The following NCALD variants were observed in gnomAD, a reference collection of about 807,000 sequenced individuals.
The protein encoded by NCALD is neurocalcin delta.
A neutral mutation model predicts 18.6 loss-of-function variants in NCALD; 10 were observed. The observed-to-expected ratio is 0.54, with a 90% confidence interval of 0.33 to 0.91. NCALD has a LOEUF of 0.91. NCALD is among the 40% of genes least tolerant of loss of function. The probability of loss-of-function intolerance (pLI) is 0.03; values close to 1 mark genes in which losing one functional copy is unlikely to be tolerated. For missense variants in NCALD, 184 were observed against 247.6 expected (o/e 0.74, Z 1.72); for synonymous variants, 88 against 87.4 (o/e 1.01, Z -0.04).
At chr8:101,970,183 T>A (rs1196244889) in intron 2 of NCALD, among the ~76,000 whole-genome samples, 1 of 152,182 alleles carries the variant, frequency 6.6e-6, no homozygotes, top group Admixed American at 6.5e-5. Flanking sequence ...CTTATTTCAG[T>A]TTCTACTCTC....
chr8:101,891,706 G>T (rs779396309), intron 3 of NCALD, among the ~76,000 whole-genome samples: 4 of 152,342 alleles, frequency 2.6e-5, no homozygotes, highest in African/African-American at 4.8e-5. Context: ...CTTGGGAAGC[G>T]CAAGGGGTCA....
At chr8:102,076,110 A>G (rs1340994251) in intron 1 of NCALD, among the ~76,000 whole-genome samples, 1 of 152,150 alleles carries the variant, frequency 6.6e-6, no homozygotes, top group Admixed American at 6.5e-5. Flanking sequence ...CTATCATTAA[A>G]ATTCTAAAAA....
chr8:101,947,607 A>G (rs1360556657), intron 2 of NCALD, among the ~76,000 whole-genome samples: 1 of 152,244 alleles, frequency 6.6e-6, no homozygotes, highest in Non-Finnish European at 1.5e-5. Flanking sequence ...TAAACAGCTG[A>G]TATCATCACT....
intron 1 of NCALD, among the ~76,000 whole-genome samples, chr8:101,721,785 A>C (rs1454018579): frequency 6.6e-6 from 1 of 151,616 alleles, no homozygotes; most frequent in African/African-American, 2.4e-5. Flanking sequence ...TGATGGGAGT[A>C]TGGGGCACTT....
chr8:101,890,834 T>C (rs987196943), intron 3 of NCALD, among the ~76,000 whole-genome samples: 55 of 152,318 alleles, frequency 3.6e-4, no homozygotes, highest in African/African-American at 1.2e-3. Flanking sequence ...CTTGCACACT[T>C]TCCCAGAAGA....
chr8:102,120,761 T>C (rs1159919144), intron 1 of NCALD, among the ~76,000 whole-genome samples: 1 of 152,188 alleles, frequency 6.6e-6, no homozygotes, highest in African/African-American at 2.4e-5. Context: ...AAAATTATCA[T>C]AAATGTTAAA....
chr8:101,714,312 G>A (rs6987350), intron 2 of NCALD, among the ~76,000 whole-genome samples: 147,700 of 152,336 alleles, frequency 0.97, 71,717 homozygotes, highest in Non-Finnish European at 1. Context: ...TACAAAATCA[G>A]TGTGCAAAAA....
At chr8:102,100,593 G>A (rs1825242724) in intron 1 of NCALD, among the ~76,000 whole-genome samples, 1 of 152,142 alleles carries the variant, frequency 6.6e-6, no homozygotes, top group African/African-American at 2.4e-5. Flanking sequence ...GACTCAGAGA[G>A]TTTACACACA....
chr8:101,700,055 T>TATTC (rs1370985131), intron 2 of NCALD, among the ~76,000 whole-genome samples: 248 of 150,890 alleles, frequency 1.6e-3, no homozygotes, highest in Non-Finnish European at 2.7e-3. Flanking sequence ...TTTATTTATT[T>TATTC]ATTCATTTAT....
chr8:101,999,083 A>G (rs1821346567), intron 2 of NCALD, among the ~76,000 whole-genome samples: 1 of 151,558 alleles, frequency 6.6e-6, no homozygotes, highest in Non-Finnish European at 1.5e-5. Flanking sequence ...CAAAAAAAAA[A>G]AAAAAAAAAA....
intron 1 of NCALD, among the ~76,000 whole-genome samples, chr8:101,739,860 C>A (rs115114815): frequency 1.3e-5 from 2 of 152,228 alleles, no homozygotes; most frequent in African/African-American, 2.4e-5. Context: ...TGAGTCGATT[C>A]TCCTAATAAA....
chr8:101,757,965 AT>A (rs1219617753), intron 1 of NCALD, among the ~76,000 whole-genome samples: 1 of 152,034 alleles, frequency 6.6e-6, no homozygotes, highest in African/African-American at 2.4e-5. Flanking sequence ...ATAACTTTTT[AT>A]TTTTTGTAGA....
chr8:102,078,550 C>T (rs987131394), intron 1 of NCALD, among the ~76,000 whole-genome samples: 3 of 152,204 alleles, frequency 2.0e-5, no homozygotes, highest in African/African-American at 7.2e-5. Flanking sequence ...CCTCAAATCC[C>T]ACTACTCACC....
chr8:101,891,132 T>C (rs1391684010), intron 3 of NCALD, among the ~76,000 whole-genome samples: 2 of 152,132 alleles, frequency 1.3e-5, no homozygotes, highest in African/African-American at 2.4e-5. Flanking sequence ...GGCAAACCCA[T>C]ATGTAATTTT....
intron 4 of NCALD, among the ~76,000 whole-genome samples, chr8:101,827,455 C>A (rs964198296): frequency 6.6e-6 from 1 of 152,188 alleles, no homozygotes; most frequent in Non-Finnish European, 1.5e-5. Context: ...AGCCACAAGT[C>A]CCTGAACAAA....
At chr8:101,928,346 C>G (rs549777328) in intron 2 of NCALD, among the ~76,000 whole-genome samples, 2 of 152,296 alleles carry the variant, frequency 1.3e-5, no homozygotes, top group Admixed American at 1.3e-4. Context: ...ACAATACCAT[C>G]TTGTTTGACT....
At chr8:101,774,187 C>T (rs1488156490) in intron 1 of NCALD, among the ~76,000 whole-genome samples, 2 of 152,164 alleles carry the variant, frequency 1.3e-5, no homozygotes, top group Non-Finnish European at 2.9e-5. Flanking sequence ...AGTATATTTC[C>T]TCTGGAGAGC....
intron 1 of NCALD, among the ~76,000 whole-genome samples, chr8:101,736,325 A>G (rs1586351087): frequency 6.6e-6 from 1 of 152,164 alleles, no homozygotes; most frequent in African/African-American, 2.4e-5. Context: ...CATTCTGTCT[A>G]AAGAGTGGTC....
intron 2 of NCALD, among the ~76,000 whole-genome samples, chr8:101,695,755 C>T (rs1162927824): frequency 6.6e-6 from 1 of 152,110 alleles, no homozygotes; most frequent in African/African-American, 2.4e-5. Flanking sequence ...CCAGAATGTT[C>T]TCCTTTTAGA....
Sources: allele counts gnomAD v4.1 joint callset (sites outside exome capture counted in the v4.1 genomes callset), GRCh38; gene constraint gnomAD v4.1.1; transcripts MANE v1.5; gene names NCBI Gene and HGNC (gene_info 2026-07-23, HGNC 2026-07-21).